Variants in ERCC6L2 observed in about 807,000 individuals in gnomAD.
The protein encoded by ERCC6L2 is ERCC excision repair 6 like 2, also known as DNA excision repair protein ERCC-6-like 2.
In ERCC6L2, 77 loss-of-function variants were observed where a neutral mutation model predicts 132.0. The ratio of observed to expected loss-of-function variants is 0.58; its 90% CI spans 0.49 to 0.71. ERCC6L2 has a LOEUF of 0.71. Among genes scored for constraint, ERCC6L2 ranks in the 30% least tolerant of loss-of-function variants. The pLI is 0.00. For synonymous variants in ERCC6L2, 583 were observed against 632.4 expected (o/e 0.92, Z 1.17); for missense variants, 1,542 against 1,837.6 (o/e 0.84, Z 2.94).
At chr9:95,953,364 C>G (rs1831434138) in intron 12 of ERCC6L2, among the ~76,000 whole-genome samples, 1 of 152,106 alleles carries the variant, frequency 6.6e-6, no homozygotes. Context: ...ATCATGAGAT[C>G]AGGAGGTCAA....
At chr9:95,953,275 CTATTTAGAAACAACAATG>C (rs2132965026) in intron 12 of ERCC6L2, among the ~76,000 whole-genome samples, 1 of 152,178 alleles carries the variant, frequency 6.6e-6, no homozygotes, top group East Asian at 1.9e-4. Context: ...GAAAAATTTG[CTATTTAGAAACAACAATG>C]AGGCCGGTTG....
intron 7 of ERCC6L2, 95 bp from the exon 8 acceptor site, chr9:95,922,210 G>A (rs1334353498): frequency 7.2e-6 from 4 of 558,922 alleles, no homozygotes; most frequent in Admixed American, 3.5e-5. Context: ...AAAGTAACCC[G>A]ATAATAAATG....
At chr9:95,902,621 G>A (rs1564207168) in intron 3 of ERCC6L2, among the ~76,000 whole-genome samples, 1 of 152,064 alleles carries the variant, frequency 6.6e-6, no homozygotes, top group South Asian at 2.1e-4. Flanking sequence ...GGATTTAGGG[G>A]ATTACTTTTT....
chr9:95,983,284 G>A (rs1832962389), intron 17 of ERCC6L2, among the ~76,000 whole-genome samples: 1 of 152,148 alleles, frequency 6.6e-6, no homozygotes, highest in South Asian at 2.1e-4. Flanking sequence ...GGAATTATAA[G>A]CTAATTTAAA....
intron 2 of ERCC6L2, among the ~76,000 whole-genome samples, chr9:95,896,877 G>C (rs984213830): frequency 6.6e-6 from 1 of 152,096 alleles, no homozygotes; most frequent in African/African-American, 2.4e-5. Context: ...AGAAGATCTT[G>C]AATCTGTGGC....
At chr9:96,040,545 T>C (rs1834566781) in intron 20 of ERCC6L2, among the ~76,000 whole-genome samples, 1 of 152,050 alleles carries the variant, frequency 6.6e-6, no homozygotes, top group Admixed American at 6.6e-5. Flanking sequence ...AATCCTGGGA[T>C]CTGTCCCTAT....
chr9:95,948,480 C>G (rs1224699909), intron 12 of ERCC6L2, among the ~76,000 whole-genome samples: 1 of 152,116 alleles, frequency 6.6e-6, no homozygotes, highest in Non-Finnish European at 1.5e-5. Context: ...TGGTCAAACC[C>G]CATCTCTACT....
intron 11 of ERCC6L2, 104 bp from the exon 12 acceptor site, chr9:95,941,350 A>C: frequency 2.9e-6 from 2 of 688,778 alleles, no homozygotes; most frequent in South Asian, 1.8e-5. Flanking sequence ...AAATTAATGC[A>C]ATATCGTACT....
At chr9:95,946,777 G>C (rs1831084466) in intron 12 of ERCC6L2, among the ~76,000 whole-genome samples, 2 of 152,146 alleles carry the variant, frequency 1.3e-5, no homozygotes, top group South Asian at 4.1e-4. Flanking sequence ...GTCTCTGTGA[G>C]AATGTAGTTC....
At chr9:95,928,252 T>G (rs370629603) in intron 10 of ERCC6L2, 102 bp downstream of exon 10, 9 of 690,918 alleles carry the variant, frequency 1.3e-5, no homozygotes, top group East Asian at 8.2e-5. Context: ...ACATTTTCTC[T>G]TATCTACACA....
At chr9:95,879,993 A>G (rs1303229091) in intron 1 of ERCC6L2, among the ~76,000 whole-genome samples, 2 of 152,200 alleles carry the variant, frequency 1.3e-5, no homozygotes, top group African/African-American at 2.4e-5. Context: ...TAATTGTACC[A>G]ATAGTATACT....
chr9:95,959,202 A>G (rs1273451708), intron 13 of ERCC6L2, among the ~76,000 whole-genome samples: 3 of 149,180 alleles, frequency 2.0e-5, no homozygotes, highest in Non-Finnish European at 4.5e-5. Flanking sequence ...ATGGAACAGA[A>G]CAGAGCCCTC....
At chr9:95,974,619 CT>C (rs1200777732) in intron 16 of ERCC6L2, among the ~76,000 whole-genome samples, 2 of 151,970 alleles carry the variant, frequency 1.3e-5, no homozygotes, top group Non-Finnish European at 2.9e-5. Flanking sequence ...GTCTTGGTTT[CT>C]TTTAGAGAGA....
intron 2 of ERCC6L2, among the ~76,000 whole-genome samples, chr9:95,893,367 A>G (rs542522249): frequency 1.3e-5 from 2 of 152,262 alleles, no homozygotes; most frequent in South Asian, 4.1e-4. Flanking sequence ...ATTTTGTTTA[A>G]GAGTTTGGCT....
intron 12 of ERCC6L2, among the ~76,000 whole-genome samples, chr9:95,942,099 A>G (rs1262586521): frequency 6.6e-6 from 1 of 152,168 alleles, no homozygotes; most frequent in Non-Finnish European, 1.5e-5. Context: ...CTGAAAGAAT[A>G]ATTTTACACA....
chr9:95,901,348 A>G (rs1029178960), intron 3 of ERCC6L2, among the ~76,000 whole-genome samples: 5 of 152,148 alleles, frequency 3.3e-5, no homozygotes, highest in African/African-American at 7.2e-5. Context: ...AACACTCACC[A>G]TAGAATTCTT....
chr9:96,025,903 A>T (rs1834353706), intron 19 of ERCC6L2: 1 of 152,206 alleles, frequency 6.6e-6, no homozygotes, highest in Non-Finnish European at 1.5e-5. Flanking sequence ...CCCCCCTCAG[A>T]TAGAGAGAAT....
chr9:95,896,340 A>C (rs533386834), intron 2 of ERCC6L2, among the ~76,000 whole-genome samples: 1 of 149,956 alleles, frequency 6.7e-6, no homozygotes, highest in South Asian at 2.1e-4. Context: ...AGTATCTTCC[A>C]TTCTTTTTCC....
At chr9:95,934,453 T>C (rs1407950251) in intron 11 of ERCC6L2, among the ~76,000 whole-genome samples, 1 of 119,466 alleles carries the variant, frequency 8.4e-6, no homozygotes, top group Non-Finnish European at 1.8e-5. Context: ...GCAAAACCAA[T>C]ATGTGATTTT....
Sources: gnomAD v4.1 joint callset for allele counts (sites outside exome capture counted in the v4.1 genomes callset) on GRCh38, gnomAD v4.1.1 for gene constraint, MANE v1.5 for transcripts, NCBI Gene and HGNC (gene_info 2026-07-23, HGNC 2026-07-21) for gene names.